PDZRN4: variants seen among roughly 807,000 people sequenced by gnomAD.
The protein encoded by PDZRN4 is PDZ domain containing ring finger 4, also known as PDZ domain-containing RING finger protein 4.
In PDZRN4, 70 loss-of-function variants were observed where a neutral mutation model predicts 99.0. The ratio of observed to expected loss-of-function variants is 0.71; its 90% CI spans 0.58 to 0.86. The LOEUF (loss-of-function observed/expected upper bound fraction) is 0.86, where lower values mean the gene tolerates loss of function less well. Among genes scored for constraint, PDZRN4 ranks in the 40% least tolerant of loss-of-function variants. PDZRN4 has a pLI of 0.00. For missense variants in PDZRN4, 1,474 were observed against 1,331.2 expected (o/e 1.11, Z -1.67); for synonymous variants, 551 against 501.6 (o/e 1.10, Z -1.32).
At position 41,573,731 on chromosome 12, in the gene PDZRN4, G is replaced by T; in HGVS notation, c.2952G>T (p.Glu984Asp). The T allele has an allele frequency of 2.5e-6, 4 of 1,613,818 alleles. No individual in the cohort carries two copies. The Admixed American group carries it at 5.0e-5, about 20-fold the overall frequency. The change falls in exon 10 of 10, where the codon GAG (glutamate) becomes GAT (aspartate). Residue 984 changes from glutamate (E) to aspartate (D), a missense_variant. Physicochemically the swap from Glu to Asp is conservative, Grantham distance 45. Transcript: ENST00000402685. Reference protein sequence around the residue: ...SPQSGSEGKKEINIIELSHKK... With the variant: ...SPQSGSEGKKDINIIELSHKK... ...AGAGCGGCAGTGAGGGCAAGAAGGA[G>T]ATCAATATCATTGAACTGAGTCACA...
At chr12:41,298,375 A>G (rs1199177023) in intron 3 of PDZRN4, among the ~76,000 whole-genome samples, 1 of 152,170 alleles carries the variant, frequency 6.6e-6, no homozygotes, top group African/African-American at 2.4e-5. Context: ...ATTCTGGTTG[A>G]ATAATCCTGC....
In PDZRN4 at chr12:41,428,706, T is replaced by A. The variant is rs569786992; in HGVS notation, c.844-77750T>A. Among the ~76,000 whole-genome samples, 23 of 152,298 alleles carry A rather than the reference T, an allele frequency of 1.5e-4. No individual in the cohort carries two copies. The East Asian group carries it at 3.9e-3, about 26-fold the overall frequency. On this transcript the variant is annotated intron_variant, in intron 3 of 9. Coordinates refer to ENST00000402685, the MANE Select transcript of PDZRN4 (RefSeq NM_001164595.2). ...TGCGACCAGGGAATCAGGGGCAAGA[T>A]GGGCTTACAAATGTGTGTGTGTAGG...
At position 41,188,945 on chromosome 12, in the gene PDZRN4, G is replaced by T; in HGVS notation, c.490G>T (p.Val164Phe). The change falls in exon 1 of 10, where the codon GTC (valine) becomes TTC (phenylalanine). Residue 164 changes from valine (V) to phenylalanine (F), a missense_variant. Coordinates refer to ENST00000402685, the MANE Select transcript of PDZRN4 (RefSeq NM_001164595.2). ...CCGCGGGCGGGGACCCGGGCCTCGG[G>T]TCCTCGCCTGGAGGCGGCGCGAGAA... ...WGRGRGPGPR[V>F]LAWRRREKAL... is the part of the protein sequence containing the mutation. The T allele has an allele frequency of 7.1e-7, 1 of 1,410,146 alleles. No individual in the cohort carries two copies. The highest frequency in any genetic ancestry group is 9.2e-7 in the Non-Finnish European group (1 of 1,081,276). The allele number at this position is 1,410,146 out of a possible 1,614,324, so 87.4% of individuals were successfully genotyped here. A position where few individuals can be genotyped will look rare whatever the true frequency, so the allele number is the denominator to read the frequency against.
chr12:41,303,127 G>C (rs929701070), intron 3 of PDZRN4, among the ~76,000 whole-genome samples: 3 of 152,056 alleles, frequency 2.0e-5, no homozygotes, highest in African/African-American at 4.8e-5. Context: ...ATGATCTCAT[G>C]GCAGGATAAA....
intron 3 of PDZRN4, among the ~76,000 whole-genome samples, chr12:41,503,636 T>A (rs996453535): frequency 1.3e-5 from 2 of 152,178 alleles, no homozygotes; most frequent in African/African-American, 4.8e-5. Flanking sequence ...TTTAAAAATC[T>A]CTGTTGCTTC....
chr12:41,191,593 A>G, intron 2 of PDZRN4, 49 bp downstream of exon 2: 1 of 866,142 alleles, frequency 1.2e-6, no homozygotes, highest in Non-Finnish European at 1.9e-6. Flanking sequence ...AATAAGCATT[A>G]ATAAGCATTA....
At chr12:41,468,484 T>A (rs1039484278) in intron 3 of PDZRN4, among the ~76,000 whole-genome samples, 1 of 152,212 alleles carries the variant, frequency 6.6e-6, no homozygotes, top group Non-Finnish European at 1.5e-5. Flanking sequence ...GACTGTAGTT[T>A]AACCAAAAGG....
chr12:41,553,577 C>T (rs892784448), intron 6 of PDZRN4, among the ~76,000 whole-genome samples: 17 of 151,674 alleles, frequency 1.1e-4, no homozygotes, highest in African/African-American at 4.1e-4. Context: ...GCCGGTAGTC[C>T]TAACTACTCA....
chr12:41,449,670 A>ATGAAAATTAAAATTAAAAG (rs1952759327), intron 3 of PDZRN4, among the ~76,000 whole-genome samples: 1 of 152,254 alleles, frequency 6.6e-6, no homozygotes, highest in African/African-American at 2.4e-5. Context: ...TGTAGCATAG[A>ATGAAAATTAAAATTAAAAG]TGAAAATTAA....
chr12:41,366,401 A>G (rs1297970178), intron 3 of PDZRN4, among the ~76,000 whole-genome samples: 3 of 152,144 alleles, frequency 2.0e-5, no homozygotes, highest in Admixed American at 2.0e-4. Flanking sequence ...ATTCACTGAC[A>G]TCACATTATC....
At chr12:41,536,131 T>C (rs1429179385) in intron 5 of PDZRN4, among the ~76,000 whole-genome samples, 1 of 152,164 alleles carries the variant, frequency 6.6e-6, no homozygotes, top group Middle Eastern at 3.2e-3. Flanking sequence ...AATCAGTAAA[T>C]ATGCTCAAGG....
intron 3 of PDZRN4, among the ~76,000 whole-genome samples, chr12:41,423,698 A>G (rs953524432): frequency 1.3e-5 from 2 of 151,932 alleles, no homozygotes; most frequent in African/African-American, 4.8e-5. Flanking sequence ...TTGCCATTGG[A>G]CTCCTACTCC....
At chr12:41,519,973 G>T (rs776157842) in intron 5 of PDZRN4, among the ~76,000 whole-genome samples, 2 of 152,078 alleles carry the variant, frequency 1.3e-5, no homozygotes, top group Non-Finnish European at 2.9e-5. Flanking sequence ...CAAGTGTGAT[G>T]TGGGAACGCT....
At chr12:41,216,581 T>C (rs190967031) in intron 3 of PDZRN4, among the ~76,000 whole-genome samples, 331 of 152,138 alleles carry the variant, frequency 2.2e-3, no homozygotes, top group Non-Finnish European at 3.5e-3. Flanking sequence ...AAACAGATAG[T>C]TCATCAGATC....
chr12:41,468,582 G>A (rs1223792478), intron 3 of PDZRN4, among the ~76,000 whole-genome samples: 2 of 152,058 alleles, frequency 1.3e-5, no homozygotes, highest in African/African-American at 2.4e-5. Flanking sequence ...AAAAATATAC[G>A]TTCTTAGCTA....
chr12:41,214,518 C>T (rs1276046683), intron 3 of PDZRN4, among the ~76,000 whole-genome samples: 2 of 146,938 alleles, frequency 1.4e-5, no homozygotes, highest in East Asian at 4.1e-4. Flanking sequence ...AGATCCGAAC[C>T]TGAGTAGAAT....
intron 8 of PDZRN4, among the ~76,000 whole-genome samples, chr12:41,567,391 A>C (rs1280064993): frequency 2.0e-5 from 3 of 152,178 alleles, no homozygotes; most frequent in Admixed American, 2.0e-4. Flanking sequence ...TTGTTGTTAA[A>C]GAAAACAGCC....
chr12:41,453,346 G>C (rs1952790565), intron 3 of PDZRN4, among the ~76,000 whole-genome samples: 1 of 152,146 alleles, frequency 6.6e-6, no homozygotes, highest in Admixed American at 6.5e-5. Flanking sequence ...AATCACTTAT[G>C]AGACAAGGTC....
At chr12:41,508,930 G>A (rs1938256113) in intron 4 of PDZRN4, among the ~76,000 whole-genome samples, 1 of 152,198 alleles carries the variant, frequency 6.6e-6, no homozygotes, top group South Asian at 2.1e-4. Flanking sequence ...CTTGTCAATT[G>A]TATTTAGGCT....
Sources: gnomAD v4.1 joint callset for allele counts (sites outside exome capture counted in the v4.1 genomes callset) on GRCh38, gnomAD v4.1.1 for gene constraint, MANE v1.5 for transcripts, NCBI Gene and HGNC (gene_info 2026-07-23, HGNC 2026-07-21) for gene names.